The following TTLL5 variants were observed in gnomAD, a reference collection of about 807,000 sequenced individuals.
The protein encoded by TTLL5 is tubulin tyrosine ligase like 5.
TTLL5 carries 132 observed loss-of-function variants against 168.4 expected under a neutral mutation model. The observed-to-expected ratio is 0.78, with a 90% CI of 0.68 to 0.91. The LOEUF (loss-of-function observed/expected upper bound fraction) is 0.91. Ranked by LOEUF, TTLL5 falls within the 40% of genes least tolerant of loss-of-function variation. The pLI, the probability that TTLL5 is intolerant of heterozygous loss-of-function variation, is 0.00. For synonymous variants in TTLL5, 546 were observed against 558.6 expected (o/e 0.98, Z 0.32); for missense variants, 1,545 against 1,581.5 (o/e 0.98, Z 0.39).
At chr14:75,908,657 A>G (rs1009443067) in intron 31 of TTLL5, among the ~76,000 whole-genome samples, 9 of 152,214 alleles carry the variant, frequency 5.9e-5, no homozygotes, top group African/African-American at 1.9e-4. Flanking sequence ...TGACCCCTGT[A>G]TGCTGCCCAG....
intron 31 of TTLL5, among the ~76,000 whole-genome samples, chr14:75,922,945 G>C (rs1308653561): frequency 6.6e-6 from 1 of 151,884 alleles, no homozygotes; most frequent in Non-Finnish European, 1.5e-5. Context: ...ACTTCTTCCT[G>C]GTTTAGTCTT....
At chr14:75,805,739 G>A (rs1893616333) in intron 27 of TTLL5, among the ~76,000 whole-genome samples, 1 of 152,030 alleles carries the variant, frequency 6.6e-6, no homozygotes, top group African/African-American at 2.4e-5. Context: ...GCCTCTTTTT[G>A]TTCTTCTCTA....
intron 28 of TTLL5, among the ~76,000 whole-genome samples, chr14:75,853,799 T>C (rs957939273): frequency 2.6e-5 from 4 of 152,200 alleles, no homozygotes; most frequent in African/African-American, 9.6e-5. Context: ...ATCCCAGCAC[T>C]TTGGGAGGCC....
At chr14:75,849,934 G>C (rs560854858) in intron 28 of TTLL5, among the ~76,000 whole-genome samples, 1 of 151,948 alleles carries the variant, frequency 6.6e-6, no homozygotes, top group Admixed American at 6.6e-5. Flanking sequence ...AGACCATCCT[G>C]TCTCTAACAA....
chr14:75,914,835 G>A (rs1051594351), intron 31 of TTLL5, among the ~76,000 whole-genome samples: 6 of 152,220 alleles, frequency 3.9e-5, no homozygotes, highest in Non-Finnish European at 7.4e-5. Context: ...GTGTTAGCCA[G>A]GATGGTCTCG....
intron 20 of TTLL5, among the ~76,000 whole-genome samples, chr14:75,767,398 G>T (rs1039536092): frequency 6.6e-6 from 1 of 152,218 alleles, no homozygotes; most frequent in Admixed American, 6.5e-5. Context: ...ATGGTGTAAT[G>T]TTAGAATGTA....
chr14:75,925,484 C>T (rs2034014007), intron 31 of TTLL5, among the ~76,000 whole-genome samples: 1 of 149,128 alleles, frequency 6.7e-6, no homozygotes, highest in Admixed American at 6.6e-5. Flanking sequence ...CCCCACATCT[C>T]AGGCGATGGG....
At chr14:75,928,835 G>T (rs535861726) in intron 31 of TTLL5, among the ~76,000 whole-genome samples, 2 of 152,320 alleles carry the variant, frequency 1.3e-5, no homozygotes, top group South Asian at 4.1e-4. Flanking sequence ...CTGATGAAGA[G>T]CAGGTTAATC....
chr14:75,876,540 C>T (rs898610680), intron 29 of TTLL5, among the ~76,000 whole-genome samples: 11 of 152,238 alleles, frequency 7.2e-5, no homozygotes, highest in Non-Finnish European at 2.9e-5. Flanking sequence ...AGGCTTCCGA[C>T]ACCTTTGACA....
At chr14:75,834,402 G>A (rs1895762144) in intron 28 of TTLL5, among the ~76,000 whole-genome samples, 1 of 152,202 alleles carries the variant, frequency 6.6e-6, no homozygotes, top group East Asian at 1.9e-4. Context: ...CTTTTAATCA[G>A]TGTGAAATGA....
At chr14:75,836,152 A>G (rs1895854801) in intron 28 of TTLL5, among the ~76,000 whole-genome samples, 1 of 152,226 alleles carries the variant, frequency 6.6e-6, no homozygotes, top group Admixed American at 6.5e-5. Context: ...AGTATTCATC[A>G]TCAGATGAGT....
At chr14:75,673,481 C>G (rs145728552) in intron 3 of TTLL5, among the ~76,000 whole-genome samples, 103 of 152,222 alleles carry the variant, frequency 6.8e-4, no homozygotes, top group African/African-American at 2.3e-3. Context: ...GCCATTGGTT[C>G]AAATCCCAGC....
At chr14:75,676,569 T>C (rs1280186408) in intron 3 of TTLL5, among the ~76,000 whole-genome samples, 3 of 152,144 alleles carry the variant, frequency 2.0e-5, no homozygotes, top group Non-Finnish European at 4.4e-5. Context: ...CATTCCACCC[T>C]TCTTTTTTTG....
At chr14:75,774,888 T>C (rs1270716279) in intron 21 of TTLL5, among the ~76,000 whole-genome samples, 2 of 151,976 alleles carry the variant, frequency 1.3e-5, no homozygotes, top group African/African-American at 4.8e-5. Flanking sequence ...GCAGTTTTAC[T>C]GTGTTGGCCA....
At chr14:75,931,987 T>C (rs994026983) in intron 31 of TTLL5, among the ~76,000 whole-genome samples, 1 of 152,234 alleles carries the variant, frequency 6.6e-6, no homozygotes, top group Non-Finnish European at 1.5e-5. Context: ...GTGCTTTTCA[T>C]AGTACTGGGC....
At chr14:75,726,920 T>C (rs1483266511) in intron 12 of TTLL5, among the ~76,000 whole-genome samples, 2 of 152,176 alleles carry the variant, frequency 1.3e-5, no homozygotes, top group African/African-American at 4.8e-5. Flanking sequence ...AGAATTACAA[T>C]AAAGGGAATA....
intron 28 of TTLL5, among the ~76,000 whole-genome samples, chr14:75,823,384 C>G (rs1371669525): frequency 6.6e-6 from 1 of 152,164 alleles, no homozygotes; most frequent in Non-Finnish European, 1.5e-5. Flanking sequence ...GTGGAGCACT[C>G]AGTGGGTTCT....
chr14:75,669,636 C>T, intron 3 of TTLL5, 114 bp downstream of exon 3: 2 of 695,414 alleles, frequency 2.9e-6, no homozygotes, highest in Non-Finnish European at 4.4e-6. Context: ...TGAGAAAAAT[C>T]AATTGAGTTG....
intron 3 of TTLL5, among the ~76,000 whole-genome samples, chr14:75,675,575 G>C (rs755200104): frequency 2.0e-5 from 3 of 152,208 alleles, no homozygotes; most frequent in Non-Finnish European, 4.4e-5. Context: ...CTTAGAAATA[G>C]GATATTTGGC....
Sources: allele counts gnomAD v4.1 joint callset (sites outside exome capture counted in the v4.1 genomes callset), GRCh38; gene constraint gnomAD v4.1.1; transcripts MANE v1.5; gene names NCBI Gene and HGNC (gene_info 2026-07-23, HGNC 2026-07-21).